RUFY2: variants seen among roughly 807,000 people sequenced by gnomAD.
RUFY2 encodes RUN and FYVE domain-containing protein 2.
In RUFY2, 49 loss-of-function variants were observed where a neutral mutation model predicts 94.4. That is an observed-to-expected ratio of 0.52 (90% confidence interval 0.41 to 0.66). RUFY2 has a LOEUF of 0.66. Ranked by LOEUF, RUFY2 falls within the 30% of genes least tolerant of loss-of-function variation. The pLI is 0.00. For missense variants in RUFY2, 541 were observed against 692.8 expected (o/e 0.78, Z 2.46); for synonymous variants, 255 against 235.7 (o/e 1.08, Z -0.75).
chr10:68,378,435 C>G, intron 12 of RUFY2: 3 of 1,284,218 alleles, frequency 2.3e-6, no homozygotes, highest in Non-Finnish European at 2.9e-6. Context: ...CAGCAGCTGA[C>G]CAAGAAATGT....
At chr10:68,406,968 A>AC (rs1323909674) in intron 1 of RUFY2, 7 of 1,541,852 alleles carry the variant, frequency 4.5e-6, no homozygotes, top group Admixed American at 4.0e-5. Flanking sequence ...ATGCCTCAGA[A>AC]CCCGGGCGGG....
intron 7 of RUFY2, among the ~76,000 whole-genome samples, chr10:68,387,631 G>C (rs1040424629): frequency 6.6e-6 from 1 of 152,156 alleles, no homozygotes. Flanking sequence ...TGTCCTGATG[G>C]TAACGACAGA....
chr10:68,347,535 C>G (rs1589753276), intron 16 of RUFY2, among the ~76,000 whole-genome samples: 1 of 152,044 alleles, frequency 6.6e-6, no homozygotes, highest in Non-Finnish European at 1.5e-5. Flanking sequence ...CCGCCCACTT[C>G]GGCCTCCCAA....
intron 16 of RUFY2, among the ~76,000 whole-genome samples, chr10:68,347,087 C>T (rs1281441553): frequency 4.0e-5 from 6 of 151,764 alleles, no homozygotes; most frequent in Non-Finnish European, 7.4e-5. Context: ...GCTTGAGTGC[C>T]ACTGCACTCG....
At chr10:68,385,965 CGTGT>C (rs145133028) in intron 8 of RUFY2, 90 bp downstream of exon 8, 40 of 687,878 alleles carry the variant, frequency 5.8e-5, no homozygotes, top group African/African-American at 1.6e-4. Context: ...AGTGTGTGTT[CGTGT>C]GTGTGTGTAT....
chr10:68,386,766 G>C (rs1389267138), intron 7 of RUFY2, among the ~76,000 whole-genome samples: 1 of 152,156 alleles, frequency 6.6e-6, no homozygotes, highest in Non-Finnish European at 1.5e-5. Context: ...AAAAGGATGA[G>C]CTTTAAATGT....
At chr10:68,352,657 A>G (rs777087581) in intron 16 of RUFY2, among the ~76,000 whole-genome samples, 68 of 152,290 alleles carry the variant, frequency 4.5e-4, no homozygotes, top group South Asian at 2.3e-3. Flanking sequence ...GTGGCTGGGC[A>G]CGGTGGCTCA....
chr10:68,368,676 G>A (rs77758431), intron 13 of RUFY2, among the ~76,000 whole-genome samples: 16,527 of 152,010 alleles, frequency 0.11, 1,110 homozygotes, highest in South Asian at 0.25. Context: ...ACAACAACAA[G>A]AGAAGACTCC....
At position 68,345,988 on chromosome 10, in the gene RUFY2, CACTT is replaced by C. The variant is rs769114153; in HGVS notation, c.1677+15_1677+18del. 8 of 1,612,130 alleles carry C rather than the reference CACTT, an allele frequency of 5.0e-6. No individual in the cohort carries two copies. In the African/African-American group the frequency reaches 5.3e-5, roughly 11 times the overall value. On this transcript the variant is annotated intron_variant, in intron 17 of 17. Transcript: ENST00000602465. The stretch of plus-strand genomic sequence containing the variant: ...TTTTTGCACTCCAAATTTTTGGACT[CACTT>C]CTTATCTCCCTTACCTTTCTCTTAG...
At chr10:68,391,010 C>A (rs562076158) in intron 7 of RUFY2, among the ~76,000 whole-genome samples, 1 of 150,694 alleles carries the variant, frequency 6.6e-6, no homozygotes, top group South Asian at 2.1e-4. Context: ...TCTCGGCTCA[C>A]TGCAATCTCC....
chr10:68,402,766 T>C (rs2050948266), intron 2 of RUFY2, among the ~76,000 whole-genome samples: 4 of 149,370 alleles, frequency 2.7e-5, no homozygotes, highest in Non-Finnish European at 5.9e-5. Flanking sequence ...GCCATATACA[T>C]ACCATAAAAT....
At chr10:68,399,135 C>T (rs1270081927) in intron 3 of RUFY2, among the ~76,000 whole-genome samples, 1 of 151,970 alleles carries the variant, frequency 6.6e-6, no homozygotes, top group African/African-American at 2.4e-5. Context: ...CTTCTGCCTC[C>T]TGGGTTCAAG....
intron 12 of RUFY2, chr10:68,377,828 C>T: frequency 1.0e-6 from 1 of 985,322 alleles, no homozygotes; most frequent in South Asian, 4.7e-5. Context: ...AATTTCGGTT[C>T]AACTAACTAA....
At chr10:68,361,174 T>C (rs557919304) in intron 15 of RUFY2, among the ~76,000 whole-genome samples, 16 of 150,696 alleles carry the variant, frequency 1.1e-4, no homozygotes, top group Admixed American at 9.3e-4. Flanking sequence ...CTCAGGAGGC[T>C]GGGGCAGAAG....
intron 16 of RUFY2, among the ~76,000 whole-genome samples, chr10:68,353,331 G>A (rs1438826000): frequency 0.015 from 1,629 of 112,336 alleles, 29 homozygotes; most frequent in African/African-American, 0.048. Flanking sequence ...ACCCTGTCTC[G>A]AAAAAAAAAA....
rs186347194 is a variant in RUFY2, at chr10:68,398,040, T to A, written c.297-1159A>T. ...TATTCAGGAGGCTGAGGCAGGAGAA[T>A]CACTGGAACCCGGGAGGCGGAGGGT... On this transcript the variant is annotated intron_variant, in intron 3 of 17. Transcript: ENST00000602465. Among the ~76,000 whole-genome samples the A allele has an allele frequency of 8.3e-3, 1,186 of 143,576 alleles. 8 individuals carry two copies. The highest frequency in any genetic ancestry group is 0.014 in the Non-Finnish European group (945 of 67,220). 94.2% of individuals were successfully genotyped at this position (143,576 alleles called of 152,430 possible). A position where few individuals can be genotyped will look rare whatever the true frequency, so the allele number is the denominator to read the frequency against.
rs537420229 is a variant in RUFY2 at position 68,394,635 on chromosome 10, AT to A, written c.399-185del. 9.8e-3 allele frequency among the ~76,000 whole-genome samples: 1,434 copies of A among 146,780 alleles called. 21 individuals carry two copies. Among genetic ancestry groups the A allele is most frequent in the African/African-American group, 0.032 (1,287 of 40,414 alleles). ...TATATTTTTTATTTTTTATTTATTAATTTTTTTTTTTTGAGACGAAGTCTTG... is the reference window on the plus strand; with the variant it reads ...TATATTTTTTATTTTTTATTTATTAATTTTTTTTTTTGAGACGAAGTCTTG... On this transcript the variant is annotated intron_variant, in intron 4 of 17. Transcript: ENST00000602465.
intron 3 of RUFY2, among the ~76,000 whole-genome samples, chr10:68,399,760 G>A (rs926976643): frequency 2.0e-5 from 3 of 152,150 alleles, no homozygotes; most frequent in Non-Finnish European, 4.4e-5. Context: ...AGGGAGGCTG[G>A]GCGCTGTGGC....
At chr10:68,366,097 C>G (rs543832781) in intron 13 of RUFY2, among the ~76,000 whole-genome samples, 2 of 151,910 alleles carry the variant, frequency 1.3e-5, no homozygotes, top group African/African-American at 4.8e-5. Context: ...GAGGCCAAAG[C>G]GGGCAGATCT....
Sources: allele counts gnomAD v4.1 joint callset (sites outside exome capture counted in the v4.1 genomes callset), GRCh38; gene constraint gnomAD v4.1.1; transcripts MANE v1.5; gene names NCBI Gene and HGNC (gene_info 2026-07-23, HGNC 2026-07-21).